Variants in DENND6B observed in about 807,000 individuals in gnomAD.
DENND6B encodes DENN domain containing 6B.
Under a neutral mutation model 85.1 loss-of-function variants are expected in DENND6B, and 73 were observed. That is an observed-to-expected ratio of 0.86 (90% confidence interval 0.71 to 1.04). DENND6B has a LOEUF of 1.04. Among genes scored for constraint, DENND6B ranks in the 50% least tolerant of loss-of-function variants. DENND6B has a pLI of 0.00. For missense variants in DENND6B, 715 were observed against 785.8 expected (o/e 0.91, Z 1.08); for synonymous variants, 357 against 329.3 (o/e 1.08, Z -0.91).
intron 1 of DENND6B, among the ~76,000 whole-genome samples, chr22:50,324,262 G>A (rs2042133075): frequency 6.6e-6 from 1 of 152,176 alleles, no homozygotes; most frequent in South Asian, 2.1e-4. Context: ...TATCCTGTGA[G>A]GGCTAAGGGG....
At position 50,311,936 on chromosome 22, in the gene DENND6B, G is replaced by A. The variant is rs549342904; in HGVS notation, c.*203C>T. 16 of 885,554 alleles carry A rather than the reference G, an allele frequency of 1.8e-5. No individual in the cohort carries two copies. Among genetic ancestry groups the A allele is most frequent in the South Asian group, 1.1e-4 (6 of 55,638 alleles). 54.9% of individuals were successfully genotyped at this position (885,554 alleles called of 1,614,324 possible). ...CAGGAGGAGGCAAGGCTCTGCCTGC[G>A]AGGAACCCCTATGGTCAAGGCCATG... On this transcript the variant is annotated 3_prime_UTR_variant, in exon 20 of 20. Coordinates refer to ENST00000413817, the MANE Select transcript of DENND6B (RefSeq NM_001001794.4).
At position 50,319,021 on chromosome 22, in the gene DENND6B, G is replaced by A. The variant is rs753171295; in HGVS notation, c.178-18C>T. The A allele has an allele frequency of 6.3e-7, 1 of 1,588,392 alleles. No individual in the cohort carries two copies. Among genetic ancestry groups the A allele is most frequent in the Admixed American group, 1.8e-5 (1 of 56,210 alleles). On this transcript the variant is annotated intron_variant, in intron 1 of 19. Coordinates refer to ENST00000413817, the MANE Select transcript of DENND6B (RefSeq NM_001001794.4). ...TACACCAGCTGCAGAGGAAGACAGA[G>A]TGCTTGGTGACACCATCTGTCCGAG...
At chr22:50,316,642 G>A (rs2041829433) in intron 5 of DENND6B, 167 bp from the exon 6 acceptor site, 2 of 1,524,586 alleles carry the variant, frequency 1.3e-6, no homozygotes. Context: ...TTGGACCCCA[G>A]AATTATTAGA....
chr22:50,313,551 C>T lies in DENND6B; in HGVS notation c.1294-52G>A. On this transcript the variant is annotated intron_variant, in intron 15 of 19. Coordinates refer to ENST00000413817, the MANE Select transcript of DENND6B (RefSeq NM_001001794.4). ...CCCGGGGACCCATGCCCCCCAGCCC[C>T]ATCCCCCGCAGCCCCGTCCCCCCCA... 4 of 1,455,580 alleles carry T rather than the reference C, an allele frequency of 2.7e-6. No homozygotes were observed. In the South Asian group the frequency reaches 5.5e-5, roughly 20 times the overall value. The allele number at this position is 1,455,580 out of a possible 1,614,324, so 90.2% of individuals were successfully genotyped here. A position where few individuals can be genotyped will look rare whatever the true frequency, so the allele number is the denominator to read the frequency against.
chr22:50,317,068 GGGGGGGGCGGCGAGGACAGGGT>G, intron 5 of DENND6B: 2 of 273,444 alleles, frequency 7.3e-6, no homozygotes, highest in Non-Finnish European at 1.3e-5. Context: ...GGACAGGGTG[GGGGGGGGCGGCGAGGACAGGGT>G]GGGGGGGTGG....
At chr22:50,317,718 C>A (rs930439488) in intron 4 of DENND6B, among the ~76,000 whole-genome samples, 190 bp downstream of exon 4, 4 of 152,110 alleles carry the variant, frequency 2.6e-5, no homozygotes, top group African/African-American at 9.7e-5. Context: ...CCTGGGGAGA[C>A]CCTGGAAGAG....
intron 1 of DENND6B, among the ~76,000 whole-genome samples, chr22:50,320,245 G>T (rs1478440693): frequency 6.6e-6 from 1 of 152,230 alleles, no homozygotes; most frequent in African/African-American, 2.4e-5. Flanking sequence ...GAGAGACAGG[G>T]TCTCGTTCCC....
At chr22:50,324,025 G>A (rs572005571) in intron 1 of DENND6B, among the ~76,000 whole-genome samples, 7 of 152,080 alleles carry the variant, frequency 4.6e-5, no homozygotes, top group Admixed American at 1.3e-4. Context: ...GGACCACTGC[G>A]CCCAGCCCAA....
chr22:50,318,513 C>A (rs557903031), intron 3 of DENND6B, among the ~76,000 whole-genome samples: 2 of 152,192 alleles, frequency 1.3e-5, no homozygotes, highest in Non-Finnish European at 2.9e-5. Context: ...GATAGAAAAC[C>A]AGGCACCAGA....
rs1569196594 is a variant in DENND6B at position 50,313,628 on chromosome 22, G to A, written c.1293+7C>T. The A allele has an allele frequency of 1.3e-6, 2 of 1,488,064 alleles. No individual in the cohort carries two copies. Among genetic ancestry groups the A allele is most frequent in the Middle Eastern group, 2.2e-4 (1 of 4,580 alleles). The allele number at this position is 1,488,064 out of a possible 1,614,324, so 92.2% of individuals were successfully genotyped here. On this transcript the variant is annotated splice_region_variant and intron_variant, in intron 15 of 19. Coordinates refer to ENST00000413817, the MANE Select transcript of DENND6B (RefSeq NM_001001794.4). ...CCAGTCCCATGTCCCCCAGCCCCGG[G>A]CCTCACCAGGGGGATGATGAAGCTC...
chr22:50,311,260 T>C lies in DENND6B; in HGVS notation c.*879A>G, dbSNP rs2068056507. ...GCCTGCAGGTGTCACGGGGGGAGCA[T>C]ACAACCCAGAGGTGGCTCTTAGGGA... On this transcript the variant is annotated 3_prime_UTR_variant, in exon 20 of 20. Coordinates refer to ENST00000413817, the MANE Select transcript of DENND6B (RefSeq NM_001001794.4). 1 of 152,074 alleles carries C rather than the reference T, an allele frequency of 6.6e-6. No individual in the cohort carries two copies. Among genetic ancestry groups the C allele is most frequent in the East Asian group, 1.9e-4 (1 of 5,164 alleles). The allele number at this position is 152,074 out of a possible 1,614,324, so 9.4% of individuals were successfully genotyped here.
rs549475217 is a variant in DENND6B at position 50,312,623 on chromosome 22, C to T, written c.1460G>A (p.Arg487Gln). ...LKGDWLGLYR[R>Q]FFKSPHFDGW... ...ATCAAAATGGGGGGACTTGAAAAAC[C>T]GCCTGTGGGGATTAACAGGCGGGGG... Residue 487 changes from arginine (R) to glutamine (Q), a missense_variant and splice_region_variant, in exon 18 of 20, where the codon CGG becomes CAG. Arg to Gln is a conservative substitution (Grantham distance 43). Coordinates refer to ENST00000413817, the MANE Select transcript of DENND6B (RefSeq NM_001001794.4). The T allele has an allele frequency of 1.9e-4, 291 of 1,569,578 alleles. 3 individuals carry two copies. The highest frequency in any genetic ancestry group is 1.7e-3 in the South Asian group (146 of 85,758).
intron 8 of DENND6B, 31 bp downstream of exon 8, chr22:50,315,994 G>C: frequency 6.2e-7 from 1 of 1,612,404 alleles, no homozygotes; most frequent in Non-Finnish European, 8.5e-7. Context: ...AAGCCCAGCT[G>C]TTTCAGCTCC....
chr22:50,316,253 A>T lies in DENND6B; in HGVS notation c.560T>A (p.Val187Glu). 1 of 1,601,610 alleles carries T rather than the reference A, an allele frequency of 6.2e-7. No homozygotes were observed. Among genetic ancestry groups the T allele is most frequent in the Non-Finnish European group, 8.5e-7 (1 of 1,174,586 alleles). Residue 187 changes from valine to glutamate, a missense_variant and splice_region_variant, in exon 7 of 20, where the codon GTG becomes GAG. Coordinates refer to ENST00000413817, the MANE Select transcript of DENND6B (RefSeq NM_001001794.4). ...FDKLAPCLEA[V>E]CSEIDQWPAP... Reference sequence around the variant, plus strand: ...CGGCCACTGGTCGATCTCACTGCACACTGCGGATGCAGTAGCCCGCATCAG... The same window carrying T: ...CGGCCACTGGTCGATCTCACTGCACTCTGCGGATGCAGTAGCCCGCATCAG...
In DENND6B at chr22:50,326,824, G is replaced by A. The variant is rs770603415; in HGVS notation, c.165C>T (p.Gly55=). The A allele has an allele frequency of 5.6e-6, 8 of 1,429,614 alleles. No individual in the cohort carries two copies. The Admixed American group carries it at 1.7e-4, about 31-fold the overall frequency. The allele number at this position is 1,429,614 out of a possible 1,614,324, so 88.6% of individuals were successfully genotyped here. The stretch of plus-strand genomic sequence containing the variant: ...CGCGCCCGCTCACCTCCAGCGCCTG[G>A]CCCAGCTCCAGGTCGAAGGTGACCA... ...VCVVTFDLEL[G]QALELVYPND... is the part of the protein sequence containing the mutation. The change falls in exon 1 of 20, where the codon GGC becomes GGT. Residue 55 remains glycine, a synonymous_variant. Coordinates refer to ENST00000413817, the MANE Select transcript of DENND6B (RefSeq NM_001001794.4).
chr22:50,324,339 C>G (rs2042134712), intron 1 of DENND6B, among the ~76,000 whole-genome samples: 1 of 152,188 alleles, frequency 6.6e-6, no homozygotes, highest in Non-Finnish European at 1.5e-5. Flanking sequence ...AGTGTGAACT[C>G]CTAAAGGGCA....
At chr22:50,319,251 T>A in intron 1 of DENND6B, 1 of 985,326 alleles carries the variant, frequency 1.0e-6, no homozygotes, top group Non-Finnish European at 1.2e-6. Flanking sequence ...CTGGCTGTGA[T>A]GTCTGGCTCC....
intron 10 of DENND6B, 37 bp from the exon 11 acceptor site, chr22:50,314,737 G>A (rs763629241): frequency 6.4e-7 from 1 of 1,571,458 alleles, no homozygotes; most frequent in Admixed American, 1.9e-5. Flanking sequence ...GTGAGGCAGG[G>A]GCAGCCCAGG....
intron 16 of DENND6B, 123 bp from the exon 17 acceptor site, chr22:50,313,231 G>T: frequency 8.5e-7 from 1 of 1,172,090 alleles, no homozygotes; most frequent in Non-Finnish European, 1.2e-6. Context: ...GCCTGGCACA[G>T]ATCCCAGGAC....
Sources: allele counts gnomAD v4.1 joint callset (sites outside exome capture counted in the v4.1 genomes callset), GRCh38; gene constraint gnomAD v4.1.1; transcripts MANE v1.5; gene names NCBI Gene and HGNC (gene_info 2026-07-23, HGNC 2026-07-21).